Variants in GOLGA3 observed in about 807,000 individuals in gnomAD.
GOLGA3 encodes the protein golgin subfamily A member 3.
A neutral mutation model predicts 169.4 loss-of-function variants in GOLGA3; 75 were observed. The ratio of observed to expected loss-of-function variants is 0.44; its 90% CI spans 0.37 to 0.54. GOLGA3 has a LOEUF of 0.54. Ranked by LOEUF, GOLGA3 falls within the 20% of genes least tolerant of loss-of-function variation. GOLGA3 has a pLI of 0.00. For synonymous variants in GOLGA3, 824 were observed against 822.4 expected (o/e 1.00, Z -0.03); for missense variants, 1,899 against 1,930.0 (o/e 0.98, Z 0.30).
intron 23 of GOLGA3, 139 bp from the exon 24 acceptor site, chr12:132,773,433 A>T: frequency 2.3e-6 from 1 of 440,030 alleles, no homozygotes; most frequent in Non-Finnish European, 4.0e-6. Flanking sequence ...GAGACCACAG[A>T]AGCTCAGCTG....
At chr12:132,825,142 T>C (rs922730689) in intron 1 of GOLGA3, among the ~76,000 whole-genome samples, 1 of 152,208 alleles carries the variant, frequency 6.6e-6, no homozygotes, top group Non-Finnish European at 1.5e-5. Flanking sequence ...CTTTGTGATG[T>C]CTTTGCTTCT....
intron 17 of GOLGA3, 40 bp downstream of exon 17, chr12:132,782,256 C>G (rs2045647351): frequency 6.5e-7 from 1 of 1,535,290 alleles, no homozygotes; most frequent in Non-Finnish European, 9.0e-7. Context: ...CCCACCAACT[C>G]TCACACCGTT....
intron 8 of GOLGA3, among the ~76,000 whole-genome samples, chr12:132,799,892 C>T (rs1308466949): frequency 2.6e-5 from 4 of 152,074 alleles, no homozygotes. Context: ...AGGCACTCAC[C>T]ACCACACCTG....
intron 3 of GOLGA3, among the ~76,000 whole-genome samples, chr12:132,815,728 T>C (rs1405421344): frequency 2.6e-5 from 4 of 152,108 alleles, no homozygotes; most frequent in African/African-American, 7.2e-5. Flanking sequence ...AGACCCCGTT[T>C]CTACACACAC....
intron 3 of GOLGA3, among the ~76,000 whole-genome samples, chr12:132,814,166 A>G (rs1949853050): frequency 6.6e-6 from 1 of 151,416 alleles, no homozygotes; most frequent in African/African-American, 2.4e-5. Context: ...GTGGGATTAC[A>G]GGCATGCAAC....
At chr12:132,823,372 T>C (rs1950292028) in intron 1 of GOLGA3, among the ~76,000 whole-genome samples, 1 of 152,280 alleles carries the variant, frequency 6.6e-6, no homozygotes, top group Non-Finnish European at 1.5e-5. Context: ...TTGGCATTTA[T>C]TCCTTTAAAA....
At chr12:132,814,462 T>C (rs952987086) in intron 3 of GOLGA3, among the ~76,000 whole-genome samples, 12 of 152,178 alleles carry the variant, frequency 7.9e-5, no homozygotes, top group Non-Finnish European at 2.9e-5. Context: ...TGGGAGAACC[T>C]GAAACGCCGG....
rs532604568 is a variant in GOLGA3 at position 132,783,164 on chromosome 12, T to C, written c.3268-671A>G. Among the ~76,000 whole-genome samples, 3 of 152,294 alleles carry C rather than the reference T, an allele frequency of 2.0e-5. No individual in the cohort carries two copies. The South Asian group carries it at 6.2e-4, about 32-fold the overall frequency. On this transcript the variant is annotated intron_variant, in intron 16 of 23. Transcript: ENST00000450791. ...TGAGCCAAGATTGTGCACTCCAGCC[T>C]GAATGACAGAGTGAGACTCTGTCTC...
chr12:132,823,729 C>T (rs1366913190), intron 1 of GOLGA3, among the ~76,000 whole-genome samples: 1 of 150,868 alleles, frequency 6.6e-6, no homozygotes, highest in Non-Finnish European at 1.5e-5. Flanking sequence ...GGAGGTTGCA[C>T]TGAACCAAGA....
In GOLGA3 at chr12:132,804,752, C is replaced by T. The variant is rs1280347463; in HGVS notation, c.1561G>A (p.Asp521Asn). 1 of 1,614,208 alleles carries T rather than the reference C, an allele frequency of 6.2e-7. No homozygotes were observed. Among genetic ancestry groups the T allele is most frequent in the South Asian group, 1.1e-5 (1 of 91,088 alleles). Residue 521 changes from aspartate to asparagine, a missense_variant, in exon 7 of 24, where the codon GAC becomes AAC. Asp to Asn is a conservative substitution (Grantham distance 23). Coordinates refer to ENST00000450791, the MANE Select transcript of GOLGA3 (RefSeq NM_001389683.1). The surrounding 1 kb of genome is among the most constrained non-coding windows in gnomAD (Gnocchi z 4.1). ...TTGCTGAGCATGCTCCTCTGCATGT[C>T]CTCTACCTTGGCCATAAGCCTCTGG... ...QYQRLMAKVE[D>N]MQRSMLSKDN...
intron 2 of GOLGA3, among the ~76,000 whole-genome samples, chr12:132,821,015 G>A (rs1273368514): frequency 2.1e-5 from 3 of 142,746 alleles, no homozygotes; most frequent in African/African-American, 7.9e-5. Flanking sequence ...CAGGAGAATC[G>A]CTTGAACCCA....
At chr12:132,798,581 C>G in intron 8 of GOLGA3, 104 bp from the exon 9 acceptor site, 1 of 966,302 alleles carries the variant, frequency 1.0e-6, no homozygotes, top group Non-Finnish European at 1.5e-6. Context: ...TGGCTGCCCC[C>G]TCAGTGTCTC....
intron 10 of GOLGA3, 119 bp from the exon 11 acceptor site, chr12:132,796,339 C>A (rs1442565893): frequency 2.3e-5 from 29 of 1,278,290 alleles, no homozygotes; most frequent in Non-Finnish European, 3.1e-5. Flanking sequence ...TTTTTTCACG[C>A]ACAATCCTGG....
At chr12:132,815,342 G>A (rs999143453) in intron 3 of GOLGA3, among the ~76,000 whole-genome samples, 5 of 152,190 alleles carry the variant, frequency 3.3e-5, no homozygotes, top group African/African-American at 7.2e-5. Flanking sequence ...GGGGCATCCC[G>A]CAAAGGTGTG....
Position 132,821,846 on chromosome 12 carries a change from T to C in GOLGA3, c.133+150A>G, listed in dbSNP as rs1225531246. The C allele has an allele frequency of 1.2e-4, 63 of 538,644 alleles. No individual in the cohort carries two copies. In the African/African-American group the frequency reaches 1.3e-3, roughly 11 times the overall value. 33.4% of individuals were successfully genotyped at this position (538,644 alleles called of 1,614,324 possible). ...TCCAGCCTGGGCGAAAGAGCGAGAC[T>C]CCGTCTCAAAAAAAAAAAAAAAAAA... On this transcript the variant is annotated intron_variant, in intron 2 of 23. Transcript: ENST00000450791.
chr12:132,807,071 G>A (rs1189567586), intron 6 of GOLGA3, 106 bp downstream of exon 6: 43 of 626,102 alleles, frequency 6.9e-5, no homozygotes, highest in South Asian at 2.5e-4. Context: ...CACATGCTGC[G>A]GCGGCTGATT....
chr12:132,815,925 C>G (rs1016823387), intron 3 of GOLGA3, among the ~76,000 whole-genome samples: 4 of 150,816 alleles, frequency 2.7e-5, no homozygotes, highest in African/African-American at 9.8e-5. Flanking sequence ...CAGGCTGGGC[C>G]TGGTGGCTCA....
At position 132,808,362 on chromosome 12, in the gene GOLGA3, T is replaced by C; in HGVS notation, c.707A>G (p.Lys236Arg). 6.2e-7 allele frequency: 1 copy of C among 1,614,060 alleles called. No individual in the cohort carries two copies. Among genetic ancestry groups the C allele is most frequent in the Non-Finnish European group, 8.5e-7 (1 of 1,180,002 alleles). ...LGLPAHPREK[K>R]TSKSSKIRSL... is the part of the protein sequence containing the mutation. ...CCGGATTTTGCTTGATTTGGAAGTTTTTTTCTCCCTAGGATGTGCCGGAAG... is the reference window on the plus strand; with the variant it reads ...CCGGATTTTGCTTGATTTGGAAGTTCTTTTCTCCCTAGGATGTGCCGGAAG... Residue 236 changes from lysine to arginine, a missense_variant, in exon 5 of 24, where the codon AAA becomes AGA. Lys to Arg is a conservative substitution (Grantham distance 26). Transcript: ENST00000450791.
chr12:132,814,916 C>G (rs1276799146), intron 3 of GOLGA3, among the ~76,000 whole-genome samples: 2 of 152,274 alleles, frequency 1.3e-5, no homozygotes, highest in Non-Finnish European at 2.9e-5. Context: ...CTTCCCAGGA[C>G]TGAGTGTGTG....
Sources: allele counts gnomAD v4.1 joint callset (sites outside exome capture counted in the v4.1 genomes callset), GRCh38; gene constraint gnomAD v4.1.1; non-coding constraint Gnocchi (gnomAD v3.1); transcripts MANE v1.5; gene names NCBI Gene and HGNC (gene_info 2026-07-23, HGNC 2026-07-21).